The following FGF13 variants were observed in gnomAD, a reference collection of about 807,000 sequenced individuals.
The protein encoded by FGF13 is fibroblast growth factor homologous factor 2.
In FGF13, 2 loss-of-function variants were observed where a neutral mutation model predicts 19.5. The observed-to-expected ratio is 0.10, with a 90% confidence interval of 0.04 to 0.32. The LOEUF (loss-of-function observed/expected upper bound fraction) is 0.32, where lower values mean the gene tolerates loss of function less well. FGF13 is among the 10% of genes least tolerant of loss of function. The pLI, the probability that FGF13 is intolerant of heterozygous loss-of-function variation, is 1.00. For missense variants in FGF13, 113 were observed against 192.7 expected, an observed-to-expected ratio of 0.59 and a Z score of 2.45; for synonymous variants, 72 against 76.9, an observed-to-expected ratio of 0.94 and a Z score of 0.33.
rs1321869521 is a variant in FGF13, at chrX:138,755,599, A to G, written c.218-46671T>C. Among the ~76,000 whole-genome samples the G allele has an allele frequency of 2.7e-5, 3 of 112,838 alleles. No homozygotes were observed. The East Asian group carries it at 8.3e-4, about 31-fold the overall frequency. The stretch of plus-strand genomic sequence containing the variant: ...ATATATAGCAAGTTCAAACTCTATA[A>G]TGAAATTACATTAGTTTATTCTCAG... On this transcript the variant is annotated intron_variant, in intron 3 of 6. Coordinates refer to the FGF13 transcript ENST00000436198.
At chrX:138,644,197 T>C (rs1308526845) in intron 3 of FGF13, among the ~76,000 whole-genome samples, 1 of 112,387 alleles carries the variant, frequency 8.9e-6, no homozygotes, top group Non-Finnish European at 1.9e-5. Context: ...CCTAGATGAA[T>C]TGAAAAGCTC....
chrX:138,841,322 C>G (rs2091148422), intron 3 of FGF13, among the ~76,000 whole-genome samples: 1 of 110,750 alleles, frequency 9.0e-6, no homozygotes, highest in Non-Finnish European at 1.9e-5. Flanking sequence ...AGGAAACCTC[C>G]CCTCAAGCTC....
intron 3 of FGF13, among the ~76,000 whole-genome samples, chrX:138,658,536 A>G (rs2089458611): frequency 8.9e-6 from 1 of 112,732 alleles, no homozygotes; most frequent in South Asian, 3.7e-4. Context: ...ATGCAAAAGA[A>G]TAATCATTCT....
Position 138,986,396 on chromosome X carries a change from T to C in FGF13, c.-112-121746A>G, listed in dbSNP as rs547214231. ...GGTCTAAGATCGAACAATGAGTGAA[T>C]AGCAGAGCCAGGAATTGAAACTATG... On this transcript the variant is annotated intron_variant, in intron 1 of 2. Coordinates refer to the FGF13 transcript ENST00000421460. Among the ~76,000 whole-genome samples the C allele has an allele frequency of 9.0e-5, 10 of 111,547 alleles. No individual in the cohort carries two copies. The South Asian group carries it at 3.8e-3, about 43-fold the overall frequency.
At chrX:139,148,604 TAAAAAAAAAAAA>T (rs754469846) in intron 1 of FGF13, among the ~76,000 whole-genome samples, 2 of 84,667 alleles carry the variant, frequency 2.4e-5, no homozygotes, top group African/African-American at 4.4e-5. Context: ...GCCATTGGTT[TAAAAAAAAAAAA>T]AAAAAAAAGG....
intron 1 of FGF13, among the ~76,000 whole-genome samples, chrX:139,101,104 T>G (rs1249369362): frequency 9.0e-6 from 1 of 111,265 alleles, no homozygotes; most frequent in Non-Finnish European, 1.9e-5. Flanking sequence ...CAGGGACTGA[T>G]GGGCATAAGT....
At chrX:138,680,377 C>T (rs943754736) in intron 3 of FGF13, among the ~76,000 whole-genome samples, 3 of 111,980 alleles carry the variant, frequency 2.7e-5, no homozygotes, top group African/African-American at 9.7e-5. Flanking sequence ...GAATCACTAT[C>T]TATGGCAGCT....
intron 1 of FGF13, among the ~76,000 whole-genome samples, chrX:138,925,410 T>C (rs958177395): frequency 5.6e-4 from 38 of 67,328 alleles, no homozygotes; most frequent in African/African-American, 1.7e-3. Context: ...TTAAAATCAT[T>C]TCCAGTTGAA....
rs775693928 is a variant in FGF13 at position 138,780,278 on chromosome X, A to G, written c.218-71350T>C. Among the ~76,000 whole-genome samples the G allele has an allele frequency of 7.2e-3, 757 of 105,080 alleles. 8 individuals carry two copies. The highest frequency in any genetic ancestry group is 0.025 in the African/African-American group (700 of 28,300). 91.2% of individuals were successfully genotyped at this position (105,080 alleles called of 115,157 possible). ...CAACTAACGAGCAAAATAACCAGCT[A>G]ACATCATAATGACAGGATCAAATTC... On this transcript the variant is annotated intron_variant, in intron 3 of 6. Transcript: ENST00000436198.
intron 3 of FGF13, among the ~76,000 whole-genome samples, chrX:138,637,641 C>T (rs750682427): frequency 2.7e-5 from 3 of 111,464 alleles, no homozygotes; most frequent in African/African-American, 6.5e-5. Context: ...TGTAGTTGAT[C>T]GGTGCTAAAT....
At position 139,086,776 on chromosome X, in the gene FGF13, CAACT is replaced by C. The variant is rs77044538; in HGVS notation, c.-113+116636_-113+116639del. Among the ~76,000 whole-genome samples the C allele has an allele frequency of 4.0e-4, 45 of 112,252 alleles. No individual in the cohort carries two copies. The East Asian group carries it at 9.2e-3, about 23-fold the overall frequency. On this transcript the variant is annotated intron_variant, in intron 1 of 2. Transcript: ENST00000421460. The stretch of plus-strand genomic sequence containing the variant: ...AATAAAAAAATAAAAATTAAGTCAC[CAACT>C]AAGTGCAGGTAACTTGATTATTCAT...
chrX:138,823,583 G>T (rs952879131), intron 3 of FGF13, among the ~76,000 whole-genome samples: 3 of 111,899 alleles, frequency 2.7e-5, no homozygotes, highest in Non-Finnish European at 5.6e-5. Context: ...GAAAAGTCCT[G>T]CAACAATGGG....
At chrX:138,827,382 A>G (rs2091041071) in intron 3 of FGF13, among the ~76,000 whole-genome samples, 1 of 112,108 alleles carries the variant, frequency 8.9e-6, no homozygotes, top group Non-Finnish European at 1.9e-5. Flanking sequence ...ATATACATAA[A>G]ATAAATCATA....
chrX:138,792,305 G>A (rs563749327), intron 3 of FGF13, among the ~76,000 whole-genome samples: 105 of 111,989 alleles, frequency 9.4e-4, no homozygotes, highest in Middle Eastern at 9.2e-3. Flanking sequence ...AAGTTATTAC[G>A]CCTATTCTTC....
rs183698676 is a variant in FGF13, at chrX:139,012,271, A to T, written c.-112-147621T>A. 2.7e-5 allele frequency among the ~76,000 whole-genome samples: 3 copies of T among 111,700 alleles called. No individual in the cohort carries two copies. In the East Asian group the frequency reaches 8.5e-4, roughly 32 times the overall value. ...TATTGTTTAAATGACCATACCACCA[A>T]AAGCAATCTACAAATTTAATGCAAT... On this transcript the variant is annotated intron_variant, in intron 1 of 2. Coordinates refer to the FGF13 transcript ENST00000421460.
chrX:138,882,563 A>G (rs1465630828), intron 1 of FGF13, among the ~76,000 whole-genome samples: 1 of 111,815 alleles, frequency 8.9e-6, no homozygotes, highest in Non-Finnish European at 1.9e-5. Flanking sequence ...GCTCCCCACT[A>G]TGTAAGCTGT....
chrX:138,641,763 G>A (rs1238223083), intron 3 of FGF13, among the ~76,000 whole-genome samples: 1 of 111,392 alleles, frequency 9.0e-6, no homozygotes, highest in Non-Finnish European at 1.9e-5. Flanking sequence ...CAAAGCATGG[G>A]AAGGGAGAGA....
chrX:139,053,163 C>T (rs997940333), intron 1 of FGF13, among the ~76,000 whole-genome samples: 2 of 111,669 alleles, frequency 1.8e-5, no homozygotes, highest in African/African-American at 6.5e-5. Flanking sequence ...CAGGTCACTG[C>T]AAATGCCGTT....
chrX:139,034,433 C>G (rs910086332), intron 1 of FGF13, among the ~76,000 whole-genome samples: 2 of 110,860 alleles, frequency 1.8e-5, no homozygotes, highest in African/African-American at 6.5e-5. Flanking sequence ...GTATGAAGAC[C>G]CAGAAGAAAG....
Sources: gnomAD v4.1 joint callset for allele counts (sites outside exome capture counted in the v4.1 genomes callset) on GRCh38, gnomAD v4.1.1 for gene constraint, MANE v1.5 for transcripts, NCBI Gene and HGNC (gene_info 2026-07-23, HGNC 2026-07-21) for gene names.